The following ZNF558 variants were observed in gnomAD, a reference collection of about 807,000 sequenced individuals.
ZNF558 encodes the protein zinc finger protein 558.
Under a neutral mutation model 37.6 loss-of-function variants are expected in ZNF558, and 23 were observed. The observed-to-expected ratio is 0.61, with a 90% CI of 0.44 to 0.87. The LOEUF (loss-of-function observed/expected upper bound fraction) is 0.87, where lower values mean the gene tolerates loss of function less well. Ranked by LOEUF, ZNF558 falls within the 40% of genes least tolerant of loss-of-function variation. The pLI, the probability that ZNF558 is intolerant of heterozygous loss-of-function variation, is 0.00. For synonymous variants in ZNF558, 189 were observed against 174.4 expected, an observed-to-expected ratio of 1.08 and a Z score of -0.66; for missense variants, 429 against 483.7, an observed-to-expected ratio of 0.89 and a Z score of 1.06.
chr19:8,825,737 G>A (rs912299079), intron 2 of ZNF558, among the ~76,000 whole-genome samples: 29 of 152,074 alleles, frequency 1.9e-4, no homozygotes, highest in Non-Finnish European at 3.2e-4. Context: ...TTCGGGTTCC[G>A]TCAAAAAATC....
chr19:8,827,849 C>T (rs987845565), intron 2 of ZNF558, among the ~76,000 whole-genome samples: 3 of 152,142 alleles, frequency 2.0e-5, no homozygotes, highest in African/African-American at 7.2e-5. Flanking sequence ...GCTGGGATTA[C>T]AGGTGTGAGC....
At position 8,815,797 on chromosome 19, in the gene ZNF558, A is replaced by C. The variant is rs192085962; in HGVS notation, c.248-2575T>G. Among the ~76,000 whole-genome samples, 80 of 148,132 alleles carry C rather than the reference A, an allele frequency of 5.4e-4. 2 individuals carry two copies. The East Asian group carries it at 9.7e-3, about 18-fold the overall frequency. On this transcript the variant is annotated intron_variant, in intron 7 of 9. Coordinates refer to ENST00000601372, the MANE Select transcript of ZNF558 (RefSeq NM_144693.3). ...TGAGTGAGAACCTGTCTCAAAGATAAAGAGAGAGAGAGAGAGAGAGAGAAT... is the reference window on the plus strand; with the variant it reads ...TGAGTGAGAACCTGTCTCAAAGATACAGAGAGAGAGAGAGAGAGAGAGAAT...
rs1555768460 is a variant in ZNF558 at position 8,812,080 on chromosome 19, G to C, written c.427-17C>G. 6.6e-7 allele frequency: 1 copy of C among 1,515,810 alleles called. No individual in the cohort carries two copies. 93.9% of individuals were successfully genotyped at this position (1,515,810 alleles called of 1,614,324 possible). Reference sequence around the variant, plus strand: ...ACTTCTTTCCTGTGGATTAAGAGATGAATGATAACTATAATTTATAATATT... The same window carrying C: ...ACTTCTTTCCTGTGGATTAAGAGATCAATGATAACTATAATTTATAATATT... On this transcript the variant is annotated splice_polypyrimidine_tract_variant and intron_variant, in intron 9 of 9. Transcript: ENST00000601372.
At position 8,810,149 on chromosome 19, in the gene ZNF558, A is replaced by G. The variant is rs1012779916; in HGVS notation, c.*1132T>C. ...TCACAAGTTTCCTAACAAATGTAGA[A>G]AAACAGAAAGCTCTCCAATATTGAT... is the stretch of plus-strand genomic sequence containing the variant. On this transcript the variant is annotated 3_prime_UTR_variant, in exon 10 of 10. Transcript: ENST00000601372. The G allele has an allele frequency of 6.6e-6, 1 of 152,208 alleles. No individual in the cohort carries two copies. Among genetic ancestry groups the G allele is most frequent in the East Asian group, 1.9e-4 (1 of 5,198 alleles). 9.4% of individuals were successfully genotyped at this position (152,208 alleles called of 1,614,324 possible).
intron 7 of ZNF558, among the ~76,000 whole-genome samples, chr19:8,816,019 G>A (rs1341388084): frequency 1.3e-5 from 2 of 151,554 alleles, no homozygotes; most frequent in Non-Finnish European, 2.9e-5. Context: ...ACAAACTCAA[G>A]TAGAATAAAT....
At chr19:8,825,287 G>T (rs2145281670) in intron 2 of ZNF558, among the ~76,000 whole-genome samples, 179 bp from the exon 3 acceptor site, 1 of 152,360 alleles carries the variant, frequency 6.6e-6, no homozygotes, top group African/African-American at 2.4e-5. Context: ...GTGACCATCA[G>T]TAGGGGATTG....
In ZNF558 at chr19:8,811,363, T is replaced by C. The variant is rs782101015; in HGVS notation, c.1127A>G (p.Tyr376Cys). 3 of 1,613,774 alleles carry C rather than the reference T, an allele frequency of 1.9e-6. No homozygotes were observed. Among genetic ancestry groups the C allele is most frequent in the Non-Finnish European group, 2.5e-6 (3 of 1,179,848 alleles). Residue 376 changes from tyrosine (Y) to cysteine (C), a missense_variant, in exon 10 of 10, where the codon TAT (tyrosine) becomes TGT (cysteine). Transcript: ENST00000601372. ...GGATTTCCCACAATGATTACATTCATAGGGTTTTTCTCCAGTGTGAGTTCT... is the reference window on the plus strand; with the variant it reads ...GGATTTCCCACAATGATTACATTCACAGGGTTTTTCTCCAGTGTGAGTTCT... ...HLRTHTGEKP[Y>C]ECNHCGKSFT...
intron 2 of ZNF558, among the ~76,000 whole-genome samples, chr19:8,826,403 T>C (rs2044232568): frequency 6.6e-6 from 1 of 151,876 alleles, no homozygotes; most frequent in South Asian, 2.1e-4. Flanking sequence ...CTGAGCTTGT[T>C]TTCCTGCAAC....
At chr19:8,829,617 C>T (rs2044305475) in intron 2 of ZNF558, among the ~76,000 whole-genome samples, 1 of 152,128 alleles carries the variant, frequency 6.6e-6, no homozygotes. Flanking sequence ...CCTCCAGGGT[C>T]CCTGTGCATC....
At position 8,813,398 on chromosome 19, in the gene ZNF558, G is replaced by A. The variant is rs1231116989; in HGVS notation, c.248-176C>T. 2.6e-5 allele frequency among the ~76,000 whole-genome samples: 4 copies of A among 151,792 alleles called. No homozygotes were observed. The East Asian group carries it at 5.8e-4, about 22-fold the overall frequency. On this transcript the variant is annotated intron_variant, in intron 7 of 9. Transcript: ENST00000601372. The stretch of plus-strand genomic sequence containing the variant: ...TTTTGAGATGGAGTCTTGCTCTGTC[G>A]CCCGGGTTGAAGTGCAGTGGCATGA...
In ZNF558 at chr19:8,813,119, G is replaced by C; in HGVS notation, c.343+8C>G. 2 of 1,575,064 alleles carry C rather than the reference G, an allele frequency of 1.3e-6. No homozygotes were observed. The highest frequency in any genetic ancestry group is 1.7e-6 in the Non-Finnish European group (2 of 1,158,060). On this transcript the variant is annotated splice_region_variant and intron_variant, in intron 8 of 9. Transcript: ENST00000601372. ...CCTCACAAGGGCTCATATCCACCTGGTGCTCACCTGGACAGGTGCTTGGTA... is the reference window on the plus strand; with the variant it reads ...CCTCACAAGGGCTCATATCCACCTGCTGCTCACCTGGACAGGTGCTTGGTA...
chr19:8,831,279 C>G (rs1329429411), intron 2 of ZNF558, 39 bp downstream of exon 2: 1 of 152,174 alleles, frequency 6.6e-6, no homozygotes, highest in African/African-American at 2.4e-5. Context: ...CACAGCAGAG[C>G]CTGCTGAAAC....
upstream of ZNF558, among the ~76,000 whole-genome samples, chr19:8,834,348 G>A (rs1445159446): frequency 6.6e-6 from 1 of 152,018 alleles, no homozygotes; most frequent in South Asian, 2.1e-4. Flanking sequence ...GGTGGCTCAC[G>A]CCTGTAACCC....
At chr19:8,823,907 TC>T (rs1459484877) in intron 4 of ZNF558, 174 bp downstream of exon 4, 1 of 152,282 alleles carries the variant, frequency 6.6e-6, no homozygotes, top group African/African-American at 2.4e-5. Flanking sequence ...TGCAGGGCGA[TC>T]CCACAGGTCA....
intron 2 of ZNF558, among the ~76,000 whole-genome samples, chr19:8,827,744 T>C (rs1353483351): frequency 6.6e-6 from 1 of 151,984 alleles, no homozygotes; most frequent in Non-Finnish European, 1.5e-5. Context: ...CAGCTAATTT[T>C]CGTATTTTTA....
At chr19:8,817,195 C>A (rs1368091423) in intron 7 of ZNF558, among the ~76,000 whole-genome samples, 2 of 152,130 alleles carry the variant, frequency 1.3e-5, no homozygotes, top group Admixed American at 1.3e-4. Context: ...GTAATTACAT[C>A]ATTACAAGGT....
chr19:8,822,005 G>A lies in ZNF558; in HGVS notation c.118C>T (p.Arg40Trp), dbSNP rs775975590. ...GGGAAAAGGAACATCTGACTCACCC[G>A]TAGCCAGCTTGTCAGGAGCTCATTA... Reference protein sequence around the residue: ...LVNELLTSWLRGLVTFEDVAV... With the variant: ...LVNELLTSWLWGLVTFEDVAV... The change falls in exon 6 of 10, where the codon CGG (arginine) becomes TGG (tryptophan). Residue 40 changes from arginine (R) to tryptophan (W), a missense_variant and splice_region_variant. Physicochemically the swap from Arg to Trp is moderately radical, Grantham distance 101 (BLOSUM62 -3). Coordinates refer to ENST00000601372, the MANE Select transcript of ZNF558 (RefSeq NM_144693.3). This position sits in a 1 kb window ranked among gnomAD's most constrained non-coding sequence, Gnocchi z 4.4. 7.1e-5 allele frequency: 114 copies of A among 1,613,916 alleles called. 1 individual carries two copies. In the Middle Eastern group the frequency reaches 3.1e-3, roughly 44 times the overall value.
At position 8,813,135 on chromosome 19, in the gene ZNF558, G is replaced by A; in HGVS notation, c.335C>T (p.Thr112Ile). The change falls in exon 8 of 10, where the codon ACC becomes ATC. Residue 112 changes from threonine to isoleucine, a missense_variant. By Grantham distance (89) the Thr-to-Ile change is moderately conservative. Coordinates refer to ENST00000601372, the MANE Select transcript of ZNF558 (RefSeq NM_144693.3). ...ATCCACCTGGTGCTCACCTGGACAGGTGCTTGGTAGAATTCCTCTTTCCTC... is the reference window on the plus strand; with the variant it reads ...ATCCACCTGGTGCTCACCTGGACAGATGCTTGGTAGAATTCCTCTTTCCTC... The part of the protein sequence containing the change: ...VTEERGILPS[T>I]CPDLETLLKA... 1.3e-6 allele frequency: 2 copies of A among 1,587,152 alleles called. No homozygotes were observed. Among genetic ancestry groups the A allele is most frequent in the Non-Finnish European group, 1.7e-6 (2 of 1,165,286 alleles).
intron 3 of ZNF558, among the ~76,000 whole-genome samples, chr19:8,824,621 T>C (rs1195980042): frequency 6.6e-6 from 1 of 152,174 alleles, no homozygotes; most frequent in Non-Finnish European, 1.5e-5. Context: ...CCCACCCTTC[T>C]GCCTCCTCCC....
Sources: allele counts gnomAD v4.1 joint callset (sites outside exome capture counted in the v4.1 genomes callset), GRCh38; gene constraint gnomAD v4.1.1; non-coding constraint Gnocchi (gnomAD v3.1); transcripts MANE v1.5; gene names NCBI Gene and HGNC (gene_info 2026-07-23, HGNC 2026-07-21).